POLA2: variants seen among roughly 807,000 people sequenced by gnomAD.
The protein encoded by POLA2 is DNA polymerase alpha subunit B.
A neutral mutation model predicts 82.8 loss-of-function variants in POLA2; 47 were observed. That is an observed-to-expected ratio of 0.57 (90% CI 0.45 to 0.72). POLA2 has a LOEUF of 0.72. POLA2 is among the 30% of genes least tolerant of loss of function. The pLI is 0.00. For synonymous variants in POLA2, 287 were observed against 286.8 expected (o/e 1.00, Z -0.01); for missense variants, 634 against 728.1 (o/e 0.87, Z 1.49).
intron 1 of POLA2, among the ~76,000 whole-genome samples, chr11:65,263,386 AT>A (rs1170837175): frequency 2.7e-5 from 4 of 150,878 alleles, no homozygotes; most frequent in East Asian, 1.9e-4. Context: ...GGCCCGACTA[AT>A]TTTTTTTTGT....
At chr11:65,292,342 T>TA (rs1419626720) in intron 13 of POLA2, among the ~76,000 whole-genome samples, 1 of 152,246 alleles carries the variant, frequency 6.6e-6, no homozygotes, top group Non-Finnish European at 1.5e-5. Flanking sequence ...CGCTGTGACG[T>TA]ACGAGGTTGT....
intron 14 of POLA2, 47 bp from the exon 15 acceptor site, chr11:65,294,499 T>G (rs1949789022): frequency 6.6e-7 from 1 of 1,523,218 alleles, no homozygotes; most frequent in Middle Eastern, 1.7e-4. Flanking sequence ...GGAAGATGTT[T>G]CTAGCTTTGG....
Position 65,297,287 on chromosome 11 carries a change from G to C in POLA2, c.*18G>C, listed in dbSNP as rs943213528. ...GGATCTGAGGCTTCTGTCCTCTGCT[G>C]TTCTCTGCTGTGTGGGCCCTTAAAG... On this transcript the variant is annotated 3_prime_UTR_variant, in exon 18 of 18. Transcript: ENST00000265465. The C allele has an allele frequency of 6.3e-7, 1 of 1,578,616 alleles. No individual in the cohort carries two copies. The highest frequency in any genetic ancestry group is 8.6e-7 in the Non-Finnish European group (1 of 1,163,036).
intron 9 of POLA2, among the ~76,000 whole-genome samples, chr11:65,282,031 A>G (rs1193309038): frequency 1.3e-5 from 2 of 152,244 alleles, no homozygotes; most frequent in Non-Finnish European, 2.9e-5. Flanking sequence ...CTGTGTTCCC[A>G]TAAAACTTTA....
Position 65,297,980 on chromosome 11 carries a change from A to G in POLA2, c.*711A>G, listed in dbSNP as rs1949831631. 6.6e-6 allele frequency: 1 copy of G among 152,458 alleles called. No individual in the cohort carries two copies. The highest frequency in any genetic ancestry group is 1.5e-5 in the Non-Finnish European group (1 of 68,238). The allele number at this position is 152,458 out of a possible 1,614,324, so 9.4% of individuals were successfully genotyped here. ...CTTCTATTTTCTTTATCCTGGTAGT[A>G]GACAAAGAATGTTGCCTATTTGACC... On this transcript the variant is annotated 3_prime_UTR_variant, in exon 18 of 18. Transcript: ENST00000265465.
rs146763522 is a variant in POLA2 at position 65,294,104 on chromosome 11, A to AACTGCACTCACTTTTCTCACTCT, written c.1245-48_1245-26dup. The AACTGCACTCACTTTTCTCACTCT allele has an allele frequency of 2.1e-3, 3,147 of 1,522,594 alleles. 56 individuals are homozygous for AACTGCACTCACTTTTCTCACTCT. In the African/African-American group the frequency reaches 0.036, roughly 18 times the overall value. 94.3% of individuals were successfully genotyped at this position (1,522,594 alleles called of 1,614,324 possible). Reference sequence around the variant, plus strand: ...ACCTGTTGCGCAGCTGTTCTAACTCAACTGCACTCACTTTTCTCACTCTTC... The same window carrying AACTGCACTCACTTTTCTCACTCT: ...ACCTGTTGCGCAGCTGTTCTAACTCAACTGCACTCACTTTTCTCACTCTACTGCACTCACTTTTCTCACTCTTC... On this transcript the variant is annotated intron_variant, in intron 13 of 17. Coordinates refer to ENST00000265465, the MANE Select transcript of POLA2 (RefSeq NM_002689.4).
intron 4 of POLA2, among the ~76,000 whole-genome samples, chr11:65,274,562 C>A (rs1260847343): frequency 1.3e-5 from 2 of 151,636 alleles, no homozygotes; most frequent in African/African-American, 4.9e-5. Context: ...CACCTGTAGT[C>A]CCAGCTACTC....
At chr11:65,299,619 A>G (rs542922402), downstream of POLA2, among the ~76,000 whole-genome samples, 1 of 152,180 alleles carries the variant, frequency 6.6e-6, no homozygotes. Flanking sequence ...CTTTGACCTC[A>G]GGGCACCCGG....
chr11:65,284,929 G>A (rs1316640234), intron 10 of POLA2, among the ~76,000 whole-genome samples: 2 of 152,188 alleles, frequency 1.3e-5, no homozygotes, highest in African/African-American at 4.8e-5. Flanking sequence ...ACAGTGGCCA[G>A]AGCCATTCTT....
chr11:65,293,277 A>G lies in POLA2; in HGVS notation c.1245-876A>G, dbSNP rs115586550. 3.3e-3 allele frequency among the ~76,000 whole-genome samples: 497 copies of G among 152,086 alleles called. 3 individuals carry two copies. The highest frequency in any genetic ancestry group is 0.011 in the African/African-American group (455 of 41,484). On this transcript the variant is annotated intron_variant, in intron 13 of 17. Transcript: ENST00000265465. ...CTCGGTTGTCCAGTAATTATGGCCC[A>G]GTGTTCAGTCAGTCAGAGGGTTTCA...
intron 15 of POLA2, among the ~76,000 whole-genome samples, chr11:65,294,942 G>A (rs2137593389): frequency 6.6e-6 from 1 of 152,206 alleles, no homozygotes; most frequent in East Asian, 1.9e-4. Flanking sequence ...TTTCTTTTCT[G>A]CTCCCCTTTT....
rs755216236 is a variant in POLA2, at chr11:65,281,722, A to G, written c.953A>G (p.Lys318Arg). The change falls in exon 9 of 18, where the codon AAA becomes AGA. Residue 318 changes from lysine (K) to arginine (R), a missense_variant. Physicochemically the swap from Lys to Arg is conservative, Grantham distance 26. Transcript: ENST00000265465. The stretch of plus-strand genomic sequence containing the variant: ...ACTGGTAGGAAACTTGTTGCCACCA[A>G]ACTCTACGAGGTACACAGCAGTACC... The part of the protein sequence containing the change: ...NTTGRKLVAT[K>R]LYEGVPLPFY... 6.2e-7 allele frequency: 1 copy of G among 1,613,702 alleles called. No homozygotes were observed. The highest frequency in any genetic ancestry group is 1.7e-5 in the Admixed American group (1 of 60,032).
intron 7 of POLA2, chr11:65,279,913 T>G: frequency 9.1e-6 from 3 of 328,440 alleles, no homozygotes; most frequent in Non-Finnish European, 1.1e-5. Context: ...CCCCGGGGAT[T>G]TCCCACAAAT....
intron 4 of POLA2, among the ~76,000 whole-genome samples, chr11:65,271,658 G>A (rs192674426): frequency 2.0e-4 from 30 of 151,858 alleles, no homozygotes; most frequent in Admixed American, 5.9e-4. Context: ...TCAGGAGTTC[G>A]AGACCAGCGA....
chr11:65,295,950 A>G lies in POLA2; in HGVS notation c.1607A>G (p.Asp536Gly). 3 of 1,614,174 alleles carry G rather than the reference A, an allele frequency of 1.9e-6. No homozygotes were observed. Among genetic ancestry groups the G allele is most frequent in the South Asian group, 1.1e-5 (1 of 91,084 alleles). The change falls in exon 17 of 18, where the codon GAT becomes GGT. Residue 536 changes from aspartate to glycine, a missense_variant. By Grantham distance (94) the Asp-to-Gly change is moderately conservative. Transcript: ENST00000265465. Reference protein sequence around the residue: ...YVYAQLPVTPDVLIIPSELRY... With the variant: ...YVYAQLPVTPGVLIIPSELRY... ...TACGCACAGCTGCCTGTCACCCCAG[A>G]TGTCCTCATCATCCCGTCAGAGCTG...
rs751828022 is a variant in POLA2 at position 65,289,003 on chromosome 11, A to G, written c.1132-47A>G. On this transcript the variant is annotated intron_variant, in intron 11 of 17. Transcript: ENST00000265465. ...GTATCTGAAGTCATTCACAGACACAAGTGATTCTGATTTGTTCTTTTGGTG... is the reference window on the plus strand; with the variant it reads ...GTATCTGAAGTCATTCACAGACACAGGTGATTCTGATTTGTTCTTTTGGTG... 1.1e-5 allele frequency: 18 copies of G among 1,571,250 alleles called. No individual in the cohort carries two copies. The Middle Eastern group carries it at 6.7e-4, about 58-fold the overall frequency.
chr11:65,302,224 C>A (rs905127275), downstream of POLA2, among the ~76,000 whole-genome samples: 1 of 152,230 alleles, frequency 6.6e-6, no homozygotes, highest in African/African-American at 2.4e-5. Flanking sequence ...CCAGATCTTC[C>A]CAGGGGCTGA....
intron 4 of POLA2, 111 bp downstream of exon 4, chr11:65,268,840 A>G (rs1949491190): frequency 1.6e-6 from 1 of 627,988 alleles, no homozygotes; most frequent in African/African-American, 1.9e-5. Flanking sequence ...ATTTCCTACT[A>G]TATTTCCACT....
At chr11:65,279,654 A>G in intron 7 of POLA2, 28 bp downstream of exon 7, 2 of 1,451,644 alleles carry the variant, frequency 1.4e-6, no homozygotes, top group Non-Finnish European at 1.9e-6. Flanking sequence ...AGTTCTCACT[A>G]ATTAATATTA....
Sources: allele counts gnomAD v4.1 joint callset (sites outside exome capture counted in the v4.1 genomes callset), GRCh38; gene constraint gnomAD v4.1.1; transcripts MANE v1.5; gene names NCBI Gene and HGNC (gene_info 2026-07-23, HGNC 2026-07-21).